The following PHACTR3 variants were observed in gnomAD, a reference collection of about 807,000 sequenced individuals.
The protein encoded by PHACTR3 is phosphatase and actin regulator 3, also known as protein phosphatase 1, regulatory subunit 123.
Under a neutral mutation model 66.8 loss-of-function variants are expected in PHACTR3, and 16 were observed. The observed-to-expected ratio is 0.24, with a 90% CI of 0.16 to 0.36. The LOEUF is 0.36. Ranked by LOEUF, PHACTR3 falls within the 10% of genes least tolerant of loss-of-function variation. The pLI is 1.00. For synonymous variants in PHACTR3, 323 were observed against 292.1 expected (o/e 1.11, Z -1.08); for missense variants, 647 against 719.9 (o/e 0.90, Z 1.16).
At chr20:59,833,123 G>A (rs546787008) in intron 8 of PHACTR3, among the ~76,000 whole-genome samples, 1 of 152,298 alleles carries the variant, frequency 6.6e-6, no homozygotes, top group South Asian at 2.1e-4. Flanking sequence ...TGGGGTCCTG[G>A]CCTGAGCACC....
At chr20:59,603,295 C>T (rs926401872), upstream of PHACTR3, among the ~76,000 whole-genome samples, 2 of 152,138 alleles carry the variant, frequency 1.3e-5, no homozygotes, top group African/African-American at 4.8e-5. Flanking sequence ...ACTGCTAGGT[C>T]CCTAATGCCT....
chr20:59,743,337 C>T (rs1601241948), intron 2 of PHACTR3, 69 bp downstream of exon 2: 7 of 1,567,186 alleles, frequency 4.5e-6, no homozygotes, highest in South Asian at 2.3e-5. Flanking sequence ...GTGCTGCGGC[C>T]CCTGCTGATC....
chr20:59,598,820 G>C (rs1027926251), intron 1 of PHACTR3, among the ~76,000 whole-genome samples: 1 of 152,166 alleles, frequency 6.6e-6, no homozygotes, highest in Non-Finnish European at 1.5e-5. Flanking sequence ...GTTTTTCCAG[G>C]TGACCAGCAG....
intron 3 of PHACTR3, among the ~76,000 whole-genome samples, chr20:59,750,246 A>T (rs1251630528): frequency 6.6e-6 from 1 of 151,926 alleles, no homozygotes; most frequent in African/African-American, 2.4e-5. Context: ...TGTTTGAGTC[A>T]GGTCCAAAGG....
chr20:59,756,622 A>T (rs2039803975), intron 4 of PHACTR3, among the ~76,000 whole-genome samples: 1 of 151,062 alleles, frequency 6.6e-6, no homozygotes, highest in South Asian at 2.1e-4. Flanking sequence ...GGCCCCCTCC[A>T]CACACACAGG....
chr20:59,631,934 G>A (rs1014781223), intron 1 of PHACTR3, among the ~76,000 whole-genome samples: 9 of 152,228 alleles, frequency 5.9e-5, no homozygotes, highest in African/African-American at 9.6e-5. Flanking sequence ...ATCTGGCCCC[G>A]GCCTGTGGTA....
intron 1 of PHACTR3, among the ~76,000 whole-genome samples, chr20:59,632,829 T>C (rs1161255332): frequency 6.6e-6 from 1 of 152,200 alleles, no homozygotes; most frequent in Non-Finnish European, 1.5e-5. Flanking sequence ...CTGCTTTAAG[T>C]GCATGCCCAG....
At chr20:59,604,372 G>A (rs1378000785), upstream of PHACTR3, among the ~76,000 whole-genome samples, 2 of 151,632 alleles carry the variant, frequency 1.3e-5, no homozygotes, top group Non-Finnish European at 2.9e-5. Flanking sequence ...CTCCTAACCC[G>A]GGGTCCAGCC....
At position 59,657,364 on chromosome 20, in the gene PHACTR3, C is replaced by T. The variant is rs147589504; in HGVS notation, c.118+52232C>T. Among the ~76,000 whole-genome samples, 1,163 of 151,968 alleles carry T rather than the reference C, an allele frequency of 7.7e-3. 15 individuals carry two copies. The highest frequency in any genetic ancestry group is 0.026 in the African/African-American group (1,094 of 41,494). ...GGAAATATGCATTCAGGCTGTCTTT[C>T]ATAATTACATCATTACCTTTACTGG... On this transcript the variant is annotated intron_variant, in intron 1 of 12. Coordinates refer to ENST00000371015, the MANE Select transcript of PHACTR3 (RefSeq NM_080672.5).
At chr20:59,821,500 C>T (rs1334566689) in intron 8 of PHACTR3, among the ~76,000 whole-genome samples, 1 of 152,178 alleles carries the variant, frequency 6.6e-6, no homozygotes, top group Admixed American at 6.5e-5. Flanking sequence ...CACACATCTA[C>T]CTACTGCTCC....
chr20:59,606,990 T>C (rs2033693154), intron 1 of PHACTR3, among the ~76,000 whole-genome samples: 1 of 152,146 alleles, frequency 6.6e-6, no homozygotes, highest in Non-Finnish European at 1.5e-5. Context: ...AAGCAGATTG[T>C]GTTTCTGTTC....
intron 5 of PHACTR3, among the ~76,000 whole-genome samples, chr20:59,770,467 C>A (rs189486117): frequency 6.6e-6 from 1 of 152,300 alleles, no homozygotes; most frequent in Non-Finnish European, 1.5e-5. Flanking sequence ...GACCCTGGCC[C>A]AACTGAGTCT....
chr20:59,810,809 G>A (rs2041715310), intron 8 of PHACTR3, among the ~76,000 whole-genome samples: 2 of 152,126 alleles, frequency 1.3e-5, no homozygotes, highest in Admixed American at 1.3e-4. Context: ...TCTCTGTGTA[G>A]GAGCTCAGCT....
chr20:59,761,325 G>A (rs1479887527), intron 4 of PHACTR3, among the ~76,000 whole-genome samples: 1 of 152,138 alleles, frequency 6.6e-6, no homozygotes, highest in East Asian at 1.9e-4. Context: ...TGGGCTCTGG[G>A]CAACTGCTGG....
chr20:59,633,948 T>A (rs1297745477), intron 1 of PHACTR3, among the ~76,000 whole-genome samples: 1 of 152,208 alleles, frequency 6.6e-6, no homozygotes, highest in African/African-American at 2.4e-5. Flanking sequence ...TCATTTTGAT[T>A]TTTCCAAAGA....
chr20:59,660,600 T>C (rs2035777208), intron 1 of PHACTR3, among the ~76,000 whole-genome samples: 1 of 152,252 alleles, frequency 6.6e-6, no homozygotes, highest in African/African-American at 2.4e-5. Context: ...AAGTTTCTCC[T>C]TCCTCCAATC....
At chr20:59,771,891 G>A (rs1482987942) in intron 5 of PHACTR3, among the ~76,000 whole-genome samples, 1 of 152,216 alleles carries the variant, frequency 6.6e-6, no homozygotes, top group Non-Finnish European at 1.5e-5. Context: ...CTGGTTTTTA[G>A]GGAATGGGGT....
chr20:59,611,631 G>A (rs1029287417), intron 1 of PHACTR3, among the ~76,000 whole-genome samples: 10 of 152,136 alleles, frequency 6.6e-5, no homozygotes, highest in African/African-American at 2.4e-4. Context: ...TGGGCCCCTG[G>A]CTCTAAAAGG....
intron 1 of PHACTR3, among the ~76,000 whole-genome samples, chr20:59,719,720 A>T (rs1222649085): frequency 6.6e-6 from 1 of 152,224 alleles, no homozygotes; most frequent in African/African-American, 2.4e-5. Flanking sequence ...CAGGGGAATT[A>T]GTTCGGCTTC....
Sources: gnomAD v4.1 joint callset for allele counts (sites outside exome capture counted in the v4.1 genomes callset) on GRCh38, gnomAD v4.1.1 for gene constraint, MANE v1.5 for transcripts, NCBI Gene and HGNC (gene_info 2026-07-23, HGNC 2026-07-21) for gene names.